ERBB4: variants seen among roughly 807,000 people sequenced by gnomAD.
ERBB4 encodes erb-b2 receptor tyrosine kinase 4.
A neutral mutation model predicts 158.0 loss-of-function variants in ERBB4; 42 were observed. That is an observed-to-expected ratio of 0.27 (90% CI 0.21 to 0.34). ERBB4 has a LOEUF of 0.34. ERBB4 is among the 10% of genes least tolerant of loss of function. ERBB4 has a pLI of 1.00. For synonymous variants in ERBB4, 583 were observed against 558.7 expected, an observed-to-expected ratio of 1.04 and a Z score of -0.61; for missense variants, 1,333 against 1,624.1, an observed-to-expected ratio of 0.82 and a Z score of 3.08.
At chr2:212,425,860 T>C (rs943591569) in intron 1 of ERBB4, among the ~76,000 whole-genome samples, 10 of 152,024 alleles carry the variant, frequency 6.6e-5, no homozygotes, top group Non-Finnish European at 1.2e-4. Context: ...GTTTTTGTAT[T>C]CCTCATTTTG....
intron 2 of ERBB4, among the ~76,000 whole-genome samples, chr2:212,038,909 T>C (rs1459940340): frequency 6.6e-6 from 1 of 152,092 alleles, no homozygotes; most frequent in African/African-American, 2.4e-5. Flanking sequence ...AAAGTAAAAA[T>C]AAATGTGTGT....
chr2:211,445,149 C>T (rs761091542), intron 20 of ERBB4, among the ~76,000 whole-genome samples: 18 of 152,012 alleles, frequency 1.2e-4, no homozygotes, highest in African/African-American at 2.9e-4. Flanking sequence ...CCTAACATGA[C>T]GTGCACAGCA....
At chr2:211,958,185 A>C (rs188623915) in intron 2 of ERBB4, among the ~76,000 whole-genome samples, 1 of 152,260 alleles carries the variant, frequency 6.6e-6, no homozygotes, top group Admixed American at 6.6e-5. Context: ...TTATAAAAAA[A>C]CAAATATTTG....
intron 2 of ERBB4, among the ~76,000 whole-genome samples, chr2:212,094,989 A>G (rs911678391): frequency 3.6e-5 from 4 of 111,026 alleles, no homozygotes; most frequent in South Asian, 5.7e-4. Flanking sequence ...CAGCACAATT[A>G]CTAAGTTTCT....
At chr2:212,361,859 G>A (rs778879977) in intron 1 of ERBB4, among the ~76,000 whole-genome samples, 24 of 151,632 alleles carry the variant, frequency 1.6e-4, no homozygotes, top group Non-Finnish European at 3.0e-4. Flanking sequence ...AGAAGTGTGA[G>A]TTTCACTCTG....
intron 20 of ERBB4, among the ~76,000 whole-genome samples, chr2:211,452,271 G>T (rs531412681): frequency 2.3e-4 from 35 of 152,092 alleles, no homozygotes; most frequent in African/African-American, 8.2e-4. Flanking sequence ...TCTGCCTCCC[G>T]GGTTCAAGCG....
intron 1 of ERBB4, 62 bp from the exon 2 acceptor site, chr2:212,124,965 A>G (rs374179404): frequency 1.9e-6 from 3 of 1,570,526 alleles, no homozygotes; most frequent in Middle Eastern, 1.7e-4. Context: ...CGCAATGATA[A>G]TATCTTTCTC....
chr2:212,007,679 T>C (rs893238564), intron 2 of ERBB4, among the ~76,000 whole-genome samples: 1 of 151,838 alleles, frequency 6.6e-6, no homozygotes, highest in Non-Finnish European at 1.5e-5. Context: ...CTTATATTTA[T>C]CTAATCCTTA....
At chr2:212,410,002 T>C (rs1032141102) in intron 1 of ERBB4, among the ~76,000 whole-genome samples, 1 of 151,888 alleles carries the variant, frequency 6.6e-6, no homozygotes, top group Non-Finnish European at 1.5e-5. Flanking sequence ...ACAATAAATC[T>C]AAAAAATAAA....
intron 1 of ERBB4, among the ~76,000 whole-genome samples, chr2:212,360,729 T>G (rs2089655966): frequency 6.6e-6 from 1 of 151,690 alleles, no homozygotes; most frequent in African/African-American, 2.4e-5. Context: ...TGAAAAATCT[T>G]TAAAATCTAC....
intron 20 of ERBB4, among the ~76,000 whole-genome samples, chr2:211,524,992 G>C (rs1275943117): frequency 6.6e-6 from 1 of 152,188 alleles, no homozygotes; most frequent in East Asian, 1.9e-4. Context: ...CTCCCATAGG[G>C]AGCATTCAGA....
At chr2:211,902,550 G>A (rs1032670370) in intron 3 of ERBB4, among the ~76,000 whole-genome samples, 2 of 151,754 alleles carry the variant, frequency 1.3e-5, no homozygotes, top group African/African-American at 4.8e-5. Context: ...AGAGAAAAAA[G>A]AGCTATTGAA....
At chr2:211,700,165 A>G (rs1348574207) in intron 12 of ERBB4, among the ~76,000 whole-genome samples, 1 of 152,134 alleles carries the variant, frequency 6.6e-6, no homozygotes, top group Non-Finnish European at 1.5e-5. Flanking sequence ...GGAAACATTC[A>G]TCAATTGGTA....
rs1491111562 is a variant in ERBB4 at position 211,580,824 on chromosome 2, T to TATAATATATATATTA, written c.2302-18737_2302-18736insTAATATATATATTAT. ...TATATATATATATAATATATATATATTATATATATAGATTATATATTATAT... is the reference window on the plus strand; with the variant it reads ...TATATATATATATAATATATATATATATAATATATATATTATATATATATAGATTATATATTATAT... On this transcript the variant is annotated intron_variant, in intron 19 of 27. Transcript: ENST00000342788. 4.4e-4 allele frequency among the ~76,000 whole-genome samples: 6 copies of TATAATATATATATTA among 13,502 alleles called. 1 individual carries two copies. Among genetic ancestry groups the TATAATATATATATTA allele is most frequent in the African/African-American group, 6.1e-4 (6 of 9,884 alleles). 8.9% of individuals were successfully genotyped at this position (13,502 alleles called of 152,430 possible).
intron 1 of ERBB4, among the ~76,000 whole-genome samples, chr2:212,325,341 G>C (rs2087776540): frequency 6.7e-6 from 1 of 150,350 alleles, no homozygotes; most frequent in Admixed American, 6.6e-5. Context: ...TATTTGATTT[G>C]CTTATCTCTA....
intron 10 of ERBB4, among the ~76,000 whole-genome samples, chr2:211,704,623 G>A (rs1331833142): frequency 1.3e-5 from 2 of 151,984 alleles, no homozygotes; most frequent in African/African-American, 4.8e-5. Context: ...TCATATCTAT[G>A]GGTCCCATAT....
At chr2:212,179,312 T>C (rs1021705832) in intron 1 of ERBB4, among the ~76,000 whole-genome samples, 13 of 146,250 alleles carry the variant, frequency 8.9e-5, no homozygotes, top group Admixed American at 2.8e-4. Flanking sequence ...TCCTCCTGCA[T>C]ACACAGTCCA....
At chr2:212,142,178 A>T (rs1457707525) in intron 1 of ERBB4, among the ~76,000 whole-genome samples, 2 of 152,180 alleles carry the variant, frequency 1.3e-5, no homozygotes, top group African/African-American at 4.8e-5. Context: ...CACTTTGAGT[A>T]GCATCATTTC....
At chr2:211,553,650 T>C (rs920131717) in intron 20 of ERBB4, among the ~76,000 whole-genome samples, 37 of 152,280 alleles carry the variant, frequency 2.4e-4, no homozygotes, top group Middle Eastern at 3.4e-3. Flanking sequence ...AAATATCATC[T>C]TATCCTTAAA....
Sources: gnomAD v4.1 joint callset for allele counts (sites outside exome capture counted in the v4.1 genomes callset) on GRCh38, gnomAD v4.1.1 for gene constraint, MANE v1.5 for transcripts, NCBI Gene and HGNC (gene_info 2026-07-23, HGNC 2026-07-21) for gene names.